The following EMP2 variants were observed in gnomAD, a reference collection of about 807,000 sequenced individuals.
EMP2 encodes epithelial membrane protein 2.
Under a neutral mutation model 13.7 loss-of-function variants are expected in EMP2, and 19 were observed. The observed-to-expected ratio is 1.38, with a 90% CI of 0.97 to 2.03. EMP2 has a LOEUF of 2.03. EMP2 is among the 30% of genes most tolerant of loss of function. The probability of loss-of-function intolerance (pLI) is 0.00; values close to 1 mark genes in which losing one functional copy is unlikely to be tolerated. For synonymous variants in EMP2, 97 were observed against 84.7 expected, an observed-to-expected ratio of 1.15 and a Z score of -0.80; for missense variants, 253 against 220.7, an observed-to-expected ratio of 1.15 and a Z score of -0.93.
At chr16:10,573,692 C>A (rs1387797318) in intron 1 of EMP2, among the ~76,000 whole-genome samples, 1 of 152,166 alleles carries the variant, frequency 6.6e-6, no homozygotes, top group Non-Finnish European at 1.5e-5. Context: ...AGATTGTATC[C>A]TTTCAATCCA....
intron 1 of EMP2, among the ~76,000 whole-genome samples, chr16:10,558,105 C>A (rs145062925): frequency 6.6e-6 from 1 of 151,648 alleles, no homozygotes; most frequent in East Asian, 1.9e-4. Context: ...ACATTGCTCA[C>A]GGCAACCTCG....
rs559545512 is a variant in EMP2 at position 10,569,520 on chromosome 16, A to G, written c.-61+11029T>C. ...TTTTTGTACAGATGGGGGTCTCCCT[A>G]TGTTCCTTGAACTAGTCTTGAACTC... On this transcript the variant is annotated intron_variant, in intron 1 of 4. Coordinates refer to ENST00000359543, the MANE Select transcript of EMP2 (RefSeq NM_001424.6). Among the ~76,000 whole-genome samples, 29 of 151,844 alleles carry G rather than the reference A, an allele frequency of 1.9e-4. No individual in the cohort carries two copies. The South Asian group carries it at 5.6e-3, about 29-fold the overall frequency.
intron 3 of EMP2, among the ~76,000 whole-genome samples, chr16:10,543,176 A>G (rs959692426): frequency 2.6e-5 from 4 of 152,210 alleles, no homozygotes; most frequent in African/African-American, 9.6e-5. Flanking sequence ...CTGGACAGGG[A>G]AAAGTGACTG....
At chr16:10,563,651 T>C (rs573662526) in intron 1 of EMP2, among the ~76,000 whole-genome samples, 2 of 152,164 alleles carry the variant, frequency 1.3e-5, no homozygotes, top group East Asian at 3.9e-4. Context: ...GAAGTTAACA[T>C]AGGAAGGGGT....
chr16:10,579,708 G>GCACGCACACACACACACACACA (rs1555461492), intron 1 of EMP2, among the ~76,000 whole-genome samples: 1 of 146,668 alleles, frequency 6.8e-6, no homozygotes, highest in Admixed American at 6.7e-5. Flanking sequence ...AGATCAAGGT[G>GCACGCACACACACACACACACA]CACACACACA....
In EMP2 at chr16:10,529,931, CAAAAAAAAAA is replaced by C. The variant is rs58318805; in HGVS notation, c.*2964_*2973del. 11 of 75,424 alleles carry C rather than the reference CAAAAAAAAAA, an allele frequency of 1.5e-4. No individual in the cohort carries two copies. The highest frequency in any genetic ancestry group is 4.7e-4 in the African/African-American group (11 of 23,210). 4.7% of individuals were successfully genotyped at this position (75,424 alleles called of 1,614,324 possible). On this transcript the variant is annotated 3_prime_UTR_variant, in exon 5 of 5. Transcript: ENST00000359543. The stretch of plus-strand genomic sequence containing the variant: ...GGGCAACAAGAGCAAAACTCAGTCT[CAAAAAAAAAA>C]AAAAAAAAGAAAAAGAAAAAAGAAA...
At chr16:10,556,408 T>C (rs2050828046) in intron 1 of EMP2, among the ~76,000 whole-genome samples, 3 of 152,242 alleles carry the variant, frequency 2.0e-5, no homozygotes, top group South Asian at 2.1e-4. Flanking sequence ...GTCTCTCTCC[T>C]GACTCTGCCT....
intron 2 of EMP2, 79 bp from the exon 3 acceptor site, chr16:10,543,739 T>A (rs559868479): frequency 1.5e-6 from 2 of 1,378,834 alleles, no homozygotes; most frequent in Admixed American, 3.4e-5. Flanking sequence ...GCACGAGGCA[T>A]GGTGGGCTTC....
At chr16:10,564,094 T>C (rs1325390631) in intron 1 of EMP2, among the ~76,000 whole-genome samples, 1 of 152,234 alleles carries the variant, frequency 6.6e-6, no homozygotes, top group Non-Finnish European at 1.5e-5. Context: ...TTTAAGTATA[T>C]GCAAATTAGG....
chr16:10,532,758 C>CTTTTTTTTTTTTTTTTT lies in EMP2; in HGVS notation c.*130_*146dup, dbSNP rs878927571. On this transcript the variant is annotated 3_prime_UTR_variant, in exon 5 of 5. Transcript: ENST00000359543. ...CTTTTGGATTTTTTTTTTCTTTTTT[C>CTTTTTTTTTTTTTTTTT]TTTTTTTTTTTTTTTTTTTTTTTTT... is the stretch of plus-strand genomic sequence containing the variant. The CTTTTTTTTTTTTTTTTT allele has an allele frequency of 1.6e-5, 3 of 182,530 alleles. No individual in the cohort carries two copies. Among genetic ancestry groups the CTTTTTTTTTTTTTTTTT allele is most frequent in the Non-Finnish European group, 2.5e-5 (3 of 120,332 alleles). The allele number at this position is 182,530 out of a possible 1,614,324, so 11.3% of individuals were successfully genotyped here. A position where few individuals can be genotyped will look rare whatever the true frequency, so the allele number is the denominator to read the frequency against.
chr16:10,572,894 T>A lies in EMP2; in HGVS notation c.-61+7655A>T, dbSNP rs185905211. Among the ~76,000 whole-genome samples the A allele has an allele frequency of 2.0e-5, 3 of 151,916 alleles. No homozygotes were observed. In the East Asian group the frequency reaches 5.8e-4, roughly 29 times the overall value. On this transcript the variant is annotated intron_variant, in intron 1 of 4. Transcript: ENST00000359543. ...TGAGGACCTCAAGGCTGGAAAACTGTGATGAGTTAGAGAAGCTCCCATCCC... is the reference window on the plus strand; with the variant it reads ...TGAGGACCTCAAGGCTGGAAAACTGAGATGAGTTAGAGAAGCTCCCATCCC...
In EMP2 at chr16:10,531,794, G is replaced by C. The variant is rs2050605194; in HGVS notation, c.*1111C>G. ...ATGAATGAATGAATGAATGAATGGT[G>C]GATGGGTCCTCTGAGGCTCTAGAAA... On this transcript the variant is annotated 3_prime_UTR_variant, in exon 5 of 5. Coordinates refer to ENST00000359543, the MANE Select transcript of EMP2 (RefSeq NM_001424.6). The C allele has an allele frequency of 6.5e-6, 1 of 153,088 alleles. No homozygotes were observed. The highest frequency in any genetic ancestry group is 1.5e-5 in the Non-Finnish European group (1 of 67,778). The allele number at this position is 153,088 out of a possible 1,614,324, so 9.5% of individuals were successfully genotyped here.
At chr16:10,570,768 T>C (rs1236466532) in intron 1 of EMP2, among the ~76,000 whole-genome samples, 3 of 152,056 alleles carry the variant, frequency 2.0e-5, no homozygotes, top group Non-Finnish European at 4.4e-5. Flanking sequence ...CTCAAACTCC[T>C]GGCCTGAAGC....
At chr16:10,567,368 C>A (rs2050913628) in intron 1 of EMP2, among the ~76,000 whole-genome samples, 1 of 152,230 alleles carries the variant, frequency 6.6e-6, no homozygotes, top group Non-Finnish European at 1.5e-5. Flanking sequence ...GCATTCTCTT[C>A]CCCTTGGCAG....
chr16:10,576,601 G>A (rs959294845), intron 1 of EMP2: 1 of 151,718 alleles, frequency 6.6e-6, no homozygotes, highest in Non-Finnish European at 1.5e-5. Flanking sequence ...CAGAGTTCCA[G>A]GAAGCTTCTA....
intron 4 of EMP2, 127 bp from the exon 5 acceptor site, chr16:10,533,219 G>T: frequency 1.0e-6 from 1 of 992,232 alleles, no homozygotes; most frequent in Non-Finnish European, 1.3e-6. Context: ...TTATTTTGTT[G>T]TAGAGACAAG....
At chr16:10,551,960 G>A (rs987656463) in intron 1 of EMP2, among the ~76,000 whole-genome samples, 4 of 152,196 alleles carry the variant, frequency 2.6e-5, no homozygotes, top group Non-Finnish European at 4.4e-5. Context: ...CAGTCTGAGA[G>A]GTCCTGGCTG....
At chr16:10,564,043 G>A (rs981078874) in intron 1 of EMP2, among the ~76,000 whole-genome samples, 4 of 152,206 alleles carry the variant, frequency 2.6e-5, no homozygotes, top group African/African-American at 9.7e-5. Context: ...TGGGGAGCAG[G>A]GCTACCCCAT....
chr16:10,547,809 G>A (rs1341999050), intron 1 of EMP2, 132 bp from the exon 2 acceptor site: 1 of 571,608 alleles, frequency 1.7e-6, no homozygotes, highest in African/African-American at 1.9e-5. Context: ...AAGGTGGGAA[G>A]ATCACTTGAG....
Sources: allele counts gnomAD v4.1 joint callset (sites outside exome capture counted in the v4.1 genomes callset), GRCh38; gene constraint gnomAD v4.1.1; transcripts MANE v1.5; gene names NCBI Gene and HGNC (gene_info 2026-07-23, HGNC 2026-07-21).